NKAIN2: variants seen among roughly 807,000 people sequenced by gnomAD.
The protein encoded by NKAIN2 is sodium/potassium-transporting ATPase subunit beta-1-interacting protein 2.
A neutral mutation model predicts 32.6 loss-of-function variants in NKAIN2; 14 were observed. That is an observed-to-expected ratio of 0.43 (90% CI 0.28 to 0.67). The LOEUF is 0.67. Ranked by LOEUF, NKAIN2 falls within the 30% of genes least tolerant of loss-of-function variation. The pLI, the probability that NKAIN2 is intolerant of heterozygous loss-of-function variation, is 0.17. For synonymous variants in NKAIN2, 80 were observed against 87.2 expected (o/e 0.92, Z 0.46); for missense variants, 198 against 258.3 (o/e 0.77, Z 1.60).
chr6:124,707,260 T>A (rs1234973368), intron 4 of NKAIN2, among the ~76,000 whole-genome samples: 2 of 152,138 alleles, frequency 1.3e-5, no homozygotes, highest in African/African-American at 4.8e-5. Flanking sequence ...TTTGGGTTGG[T>A]TCCAAGTCTT....
At chr6:123,853,432 G>T (rs1229774552) in intron 1 of NKAIN2, among the ~76,000 whole-genome samples, 1 of 152,140 alleles carries the variant, frequency 6.6e-6, no homozygotes, top group Non-Finnish European at 1.5e-5. Flanking sequence ...AAAAAGCAGA[G>T]AATTAGACCT....
intron 4 of NKAIN2, among the ~76,000 whole-genome samples, chr6:124,667,336 G>C (rs983301903): frequency 6.6e-6 from 1 of 151,950 alleles, no homozygotes; most frequent in Non-Finnish European, 1.5e-5. Context: ...AGTTGAAATT[G>C]TTTGCATACA....
intron 4 of NKAIN2, among the ~76,000 whole-genome samples, chr6:124,669,976 G>A (rs1773017375): frequency 1.3e-5 from 2 of 151,902 alleles, no homozygotes; most frequent in Admixed American, 1.3e-4. Context: ...CATTTCTGAA[G>A]ACTGGAATCA....
chr6:124,246,815 C>T (rs1458568562), intron 1 of NKAIN2, among the ~76,000 whole-genome samples: 4 of 152,046 alleles, frequency 2.6e-5, no homozygotes, highest in Non-Finnish European at 5.9e-5. Flanking sequence ...TTTTCTATTG[C>T]TACCATATCA....
intron 1 of NKAIN2, among the ~76,000 whole-genome samples, chr6:124,234,258 A>T (rs1019629803): frequency 2.0e-5 from 3 of 152,140 alleles, no homozygotes; most frequent in East Asian, 1.9e-4. Context: ...CATTTATGCA[A>T]TTTTTCCTAA....
In NKAIN2 at chr6:123,808,733, G is replaced by C. The variant is rs114250369; in HGVS notation, c.54+4479G>C. Among the ~76,000 whole-genome samples the C allele has an allele frequency of 4.8e-3, 737 of 152,308 alleles. 10 individuals carry two copies. Among genetic ancestry groups the C allele is most frequent in the African/African-American group, 0.017 (688 of 41,572 alleles). The stretch of plus-strand genomic sequence containing the variant: ...CAGAGTCATCTCTGGCATGGGGCCC[G>C]TATGTGGGTAATGACCCAGAAATGC... On this transcript the variant is annotated intron_variant, in intron 1 of 6. Transcript: ENST00000368417.
intron 4 of NKAIN2, among the ~76,000 whole-genome samples, chr6:124,704,631 G>A (rs865916849): frequency 6.9e-6 from 1 of 145,760 alleles, no homozygotes; most frequent in Middle Eastern, 3.6e-3. Flanking sequence ...AGAGAGAGGA[G>A]TGAGAAAGAG....
intron 1 of NKAIN2, among the ~76,000 whole-genome samples, chr6:123,904,057 G>T (rs775294145): frequency 6.6e-6 from 1 of 151,780 alleles, no homozygotes; most frequent in African/African-American, 2.4e-5. Context: ...AAGAAACCCC[G>T]TCTCTACTAA....
At chr6:124,219,084 A>G (rs1023267502) in intron 1 of NKAIN2, among the ~76,000 whole-genome samples, 1 of 152,094 alleles carries the variant, frequency 6.6e-6, no homozygotes, top group Non-Finnish European at 1.5e-5. Context: ...ACACGTGGGA[A>G]TAACAGGTTG....
intron 1 of NKAIN2, among the ~76,000 whole-genome samples, chr6:124,017,031 T>C (rs941269568): frequency 4.6e-5 from 7 of 152,148 alleles, no homozygotes; most frequent in African/African-American, 1.4e-4. Context: ...TATCTGAGAC[T>C]AGGCAGTTTA....
intron 1 of NKAIN2, among the ~76,000 whole-genome samples, chr6:124,136,521 C>T (rs1452223587): frequency 3.3e-5 from 5 of 152,012 alleles, no homozygotes; most frequent in South Asian, 2.1e-4. Context: ...CCAGTATTAT[C>T]GTTAATACCA....
intron 3 of NKAIN2, among the ~76,000 whole-genome samples, chr6:124,514,025 G>A (rs1268996646): frequency 6.6e-6 from 1 of 152,172 alleles, no homozygotes; most frequent in East Asian, 1.9e-4. Context: ...TATTTGTGAA[G>A]TGTATGAAGA....
At chr6:124,570,353 C>G (rs902233606) in intron 3 of NKAIN2, among the ~76,000 whole-genome samples, 1 of 152,146 alleles carries the variant, frequency 6.6e-6, no homozygotes, top group African/African-American at 2.4e-5. Flanking sequence ...TCCCCAAGAC[C>G]ATGGGGAAGA....
chr6:124,074,813 A>T (rs1380010606), intron 1 of NKAIN2, among the ~76,000 whole-genome samples: 1 of 152,204 alleles, frequency 6.6e-6, no homozygotes, highest in African/African-American at 2.4e-5. Context: ...CTACGAACCC[A>T]TACGGAATAC....
rs141074311 is a variant in NKAIN2 at position 124,280,871 on chromosome 6, C to T, written c.55-2134C>T. Among the ~76,000 whole-genome samples the T allele has an allele frequency of 6.4e-3, 980 of 152,056 alleles. 6 individuals are homozygous for T. Among genetic ancestry groups the T allele is most frequent in the Non-Finnish European group, 8.9e-3 (605 of 67,950 alleles). ...ACTTATGATCCCTAATAGGGCTAAT[C>T]AAAAAGGGGAAAAAGGCAGAAATAT... On this transcript the variant is annotated intron_variant, in intron 1 of 6. Transcript: ENST00000368417.
chr6:124,159,419 CT>C (rs1788159285), intron 1 of NKAIN2, among the ~76,000 whole-genome samples: 1 of 151,986 alleles, frequency 6.6e-6, no homozygotes, highest in Non-Finnish European at 1.5e-5. Flanking sequence ...CATTTTTTGT[CT>C]GTTATTCTCA....
chr6:124,135,092 A>G (rs932323511), intron 1 of NKAIN2, among the ~76,000 whole-genome samples: 2 of 152,158 alleles, frequency 1.3e-5, no homozygotes, highest in African/African-American at 2.4e-5. Flanking sequence ...ATTCGCCACT[A>G]CCAAGCCAGC....
intron 1 of NKAIN2, among the ~76,000 whole-genome samples, chr6:123,926,582 T>C (rs1037776946): frequency 6.6e-6 from 1 of 151,858 alleles, no homozygotes; most frequent in African/African-American, 2.4e-5. Context: ...GCGCTACTTT[T>C]CTTCTCCCCA....
intron 5 of NKAIN2, 25 bp from the exon 6 acceptor site, chr6:124,818,362 T>C (rs1165355848): frequency 4.4e-6 from 6 of 1,352,766 alleles, no homozygotes; most frequent in Non-Finnish European, 6.4e-6. Context: ...TCTGAAAAGC[T>C]AATTAATGAA....
Sources: allele counts gnomAD v4.1 joint callset (sites outside exome capture counted in the v4.1 genomes callset), GRCh38; gene constraint gnomAD v4.1.1; transcripts MANE v1.5; gene names NCBI Gene and HGNC (gene_info 2026-07-23, HGNC 2026-07-21).